Variants in FGR observed in about 807,000 individuals in gnomAD.
FGR encodes the protein tyrosine-protein kinase Fgr.
FGR carries 26 observed loss-of-function variants against 63.2 expected under a neutral mutation model. The observed-to-expected ratio is 0.41, with a 90% CI of 0.30 to 0.57. The LOEUF (loss-of-function observed/expected upper bound fraction) is 0.57. Among genes scored for constraint, FGR ranks in the 20% least tolerant of loss-of-function variants. FGR has a pLI of 0.27. For missense variants in FGR, 511 were observed against 690.8 expected, an observed-to-expected ratio of 0.74 and a Z score of 2.92; for synonymous variants, 286 against 277.7, an observed-to-expected ratio of 1.03 and a Z score of -0.30.
At position 27,615,898 on chromosome 1, in the gene FGR, A is replaced by G; in HGVS notation, c.683-54T>C. On this transcript the variant is annotated intron_variant, in intron 7 of 12. Coordinates refer to ENST00000374005, the MANE Select transcript of FGR (RefSeq NM_005248.3). This position sits in a 1 kb window ranked among gnomAD's most constrained non-coding sequence, Gnocchi z 7.6. ...CAGGTGGGCCAGGACACCCCCCTCCACTCCTTATCCTATCCCAGCCTGGTG... is the reference window on the plus strand; with the variant it reads ...CAGGTGGGCCAGGACACCCCCCTCCGCTCCTTATCCTATCCCAGCCTGGTG... 6.7e-7 allele frequency: 1 copy of G among 1,492,320 alleles called. No homozygotes were observed. Among genetic ancestry groups the G allele is most frequent in the Non-Finnish European group, 9.0e-7 (1 of 1,109,402 alleles). The allele number at this position is 1,492,320 out of a possible 1,614,324, so 92.4% of individuals were successfully genotyped here.
chr1:27,629,474 A>G (rs772535628), intron 1 of FGR, among the ~76,000 whole-genome samples: 2 of 151,978 alleles, frequency 1.3e-5, no homozygotes, highest in African/African-American at 4.8e-5. Flanking sequence ...AGAGATAGAA[A>G]CAGAGAGAGG....
chr1:27,634,226 C>G (rs748333655), intron 1 of FGR, among the ~76,000 whole-genome samples: 4 of 152,202 alleles, frequency 2.6e-5, no homozygotes, highest in South Asian at 2.1e-4. Flanking sequence ...TGCGGGCACT[C>G]GCGGTCAAAG....
intron 1 of FGR, among the ~76,000 whole-genome samples, chr1:27,634,765 A>G (rs1263045074): frequency 7.0e-6 from 1 of 143,822 alleles, no homozygotes; most frequent in Non-Finnish European, 1.5e-5. Flanking sequence ...CCCCCTTCCT[A>G]AACTCTTATC....
Position 27,617,345 on chromosome 1 carries a change from C to T in FGR, c.429-49G>A, listed in dbSNP as rs1415838751. 4 of 1,339,710 alleles carry T rather than the reference C, an allele frequency of 3.0e-6. No individual in the cohort carries two copies. The highest frequency in any genetic ancestry group is 2.3e-5 in the South Asian group (2 of 85,536). 83.0% of individuals were successfully genotyped at this position (1,339,710 alleles called of 1,614,324 possible). ...TCAGGTACGCTCTGCTCAAACCTCA[C>T]CTCAGCCTCCTGCACAGTCACCTCA... On this transcript the variant is annotated intron_variant, in intron 5 of 12. Transcript: ENST00000374005. The surrounding 1 kb of genome is among the most constrained non-coding windows in gnomAD (Gnocchi z 4.5).
intron 2 of FGR, among the ~76,000 whole-genome samples, chr1:27,624,678 T>C (rs926682941): frequency 8.5e-5 from 13 of 152,050 alleles, no homozygotes; most frequent in Non-Finnish European, 1.3e-4. Flanking sequence ...TGTAAGACCG[T>C]GTTTGTGTGC....
chr1:27,623,342 T>G, intron 3 of FGR, 198 bp from the exon 4 acceptor site: 1 of 601,296 alleles, frequency 1.7e-6, no homozygotes, highest in South Asian at 2.0e-5. Context: ...AGCCCATTCC[T>G]CCCACCATGG....
Position 27,612,797 on chromosome 1 carries a change from C to T in FGR, c.*117G>A. The T allele has an allele frequency of 1.0e-6, 1 of 961,674 alleles. No individual in the cohort carries two copies. The highest frequency in any genetic ancestry group is 1.5e-6 in the Non-Finnish European group (1 of 647,702). The allele number at this position is 961,674 out of a possible 1,614,324, so 59.6% of individuals were successfully genotyped here. A position where few individuals can be genotyped will look rare whatever the true frequency, so the allele number is the denominator to read the frequency against. ...TAGGTGGTGTCAGAGCAGCCACGTCCTCGGTGATGCTAGGACTCTATGGGG... is the reference window on the plus strand; with the variant it reads ...TAGGTGGTGTCAGAGCAGCCACGTCTTCGGTGATGCTAGGACTCTATGGGG... On this transcript the variant is annotated 3_prime_UTR_variant, in exon 13 of 13. Coordinates refer to ENST00000374005, the MANE Select transcript of FGR (RefSeq NM_005248.3).
In FGR at chr1:27,632,320, T is replaced by C. The variant is rs142625420; in HGVS notation, c.-77+2745A>G. 2.6e-5 allele frequency among the ~76,000 whole-genome samples: 4 copies of C among 152,126 alleles called. No individual in the cohort carries two copies. The East Asian group carries it at 7.7e-4, about 29-fold the overall frequency. ...CCCAGCTAAATTTTTGTATTTTTAG[T>C]AGAGATGGGGTTTAGTCATGTTGGC... On this transcript the variant is annotated intron_variant, in intron 1 of 12. Coordinates refer to ENST00000374005, the MANE Select transcript of FGR (RefSeq NM_005248.3).
In FGR at chr1:27,616,418, A is replaced by T. The variant is rs1571382973; in HGVS notation, c.682+439T>A. ...GACAACAGCCACTGCCTTCTAATGG[A>T]CCCCTCACTCTGCCTTGGCCCCTGG... On this transcript the variant is annotated intron_variant, in intron 7 of 12. Transcript: ENST00000374005. The surrounding 1 kb of genome is among the most constrained non-coding windows in gnomAD (Gnocchi z 4.3). Among the ~76,000 whole-genome samples the T allele has an allele frequency of 6.6e-6, 1 of 151,954 alleles. No individual in the cohort carries two copies. Among genetic ancestry groups the T allele is most frequent in the South Asian group, 2.1e-4 (1 of 4,820 alleles).
Position 27,615,820 on chromosome 1 carries a change from A to T in FGR, c.707T>A (p.Leu236Gln). The change falls in exon 8 of 13, where the codon CTG (leucine) becomes CAG (glutamine). Residue 236 changes from leucine to glutamine, a missense_variant. Transcript: ENST00000374005. The surrounding 1 kb of genome is among the most constrained non-coding windows in gnomAD (Gnocchi z 7.6). ...YMEVNDGLCN[L>Q]LIAPCTIMKP... ...CATGATGGTGCAGGGCGCGATGAGC[A>T]GGTTGCACAGCCCGTCATTCACCTC... The T allele has an allele frequency of 1.3e-6, 2 of 1,596,038 alleles. No homozygotes were observed. Among genetic ancestry groups the T allele is most frequent in the Non-Finnish European group, 1.7e-6 (2 of 1,171,112 alleles).
rs2089720140 is a variant in FGR, at chr1:27,612,853, C to T, written c.*61G>A. 15 of 1,509,448 alleles carry T rather than the reference C, an allele frequency of 9.9e-6. No homozygotes were observed. The highest frequency in any genetic ancestry group is 1.4e-5 in the Non-Finnish European group (15 of 1,103,770). 93.5% of individuals were successfully genotyped at this position (1,509,448 alleles called of 1,614,324 possible). ...AGCCAGCCTGGGGGCTTTGGAAGAA[C>T]AGCTCTGGGGATTGGCAAGGACTGG... is the stretch of plus-strand genomic sequence containing the variant. On this transcript the variant is annotated 3_prime_UTR_variant, in exon 13 of 13. Coordinates refer to ENST00000374005, the MANE Select transcript of FGR (RefSeq NM_005248.3).
rs981582097 is a variant in FGR at position 27,616,483 on chromosome 1, T to C, written c.682+374A>G. 6.6e-6 allele frequency among the ~76,000 whole-genome samples: 1 copy of C among 152,220 alleles called. No individual in the cohort carries two copies. The highest frequency in any genetic ancestry group is 1.5e-5 in the Non-Finnish European group (1 of 68,034). On this transcript the variant is annotated intron_variant, in intron 7 of 12. Transcript: ENST00000374005. The surrounding 1 kb of genome is among the most constrained non-coding windows in gnomAD (Gnocchi z 4.3). ...CAGCAGCCAGAGTTTCTCACAAAAG[T>C]GAGACCAGCCTCTGTCACCCCCTGC...
intron 9 of FGR, 63 bp from the exon 10 acceptor site, chr1:27,614,989 C>T: frequency 7.5e-7 from 1 of 1,334,144 alleles, no homozygotes; most frequent in South Asian, 1.3e-5. Context: ...CTCCTCCTCT[C>T]GCTTGACCCC....
Position 27,617,366 on chromosome 1 carries a change from C to T in FGR, c.429-70G>A. The T allele has an allele frequency of 9.1e-7, 1 of 1,094,750 alleles. No homozygotes were observed. The highest frequency in any genetic ancestry group is 1.4e-6 in the Non-Finnish European group (1 of 716,086). 67.8% of individuals were successfully genotyped at this position (1,094,750 alleles called of 1,614,324 possible). A position where few individuals can be genotyped will look rare whatever the true frequency, so the allele number is the denominator to read the frequency against. On this transcript the variant is annotated intron_variant, in intron 5 of 12. Transcript: ENST00000374005. This position sits in a 1 kb window ranked among gnomAD's most constrained non-coding sequence, Gnocchi z 4.5. ...CTCACCTCAGCCTCCTGCACAGTCA[C>T]CTCACAAGCCAAGACTCCATTTTCC...
intron 1 of FGR, among the ~76,000 whole-genome samples, chr1:27,626,833 A>G (rs1377082532): frequency 6.6e-6 from 1 of 151,976 alleles, no homozygotes; most frequent in African/African-American, 2.4e-5. Context: ...AGCGGGAGGG[A>G]TTTCAGGAAC....
intron 3 of FGR, 125 bp downstream of exon 3, chr1:27,623,558 ATGTGATCT>A: frequency 1.1e-6 from 1 of 894,770 alleles, no homozygotes; most frequent in Non-Finnish European, 1.8e-6. Context: ...CCCTCAGCCC[ATGTGATCT>A]TGAAAGCGGG....
At chr1:27,631,683 C>T (rs1005316298) in intron 1 of FGR, among the ~76,000 whole-genome samples, 1 of 152,204 alleles carries the variant, frequency 6.6e-6, no homozygotes, top group African/African-American at 2.4e-5. Context: ...CCCTCCTTTC[C>T]CTTGAGGAAG....
intron 10 of FGR, 64 bp downstream of exon 10, chr1:27,614,786 C>T (rs1266768229): frequency 2.7e-6 from 4 of 1,482,532 alleles, no homozygotes; most frequent in Non-Finnish European, 3.7e-6. Context: ...TTTGAAGGGA[C>T]AGAGAATTTG....
Position 27,615,041 on chromosome 1 carries a change from A to T in FGR, c.1019-115T>A. The T allele has an allele frequency of 1.3e-6, 1 of 764,182 alleles. No individual in the cohort carries two copies. Among genetic ancestry groups the T allele is most frequent in the Non-Finnish European group, 2.1e-6 (1 of 465,128 alleles). 47.3% of individuals were successfully genotyped at this position (764,182 alleles called of 1,614,324 possible). On this transcript the variant is annotated intron_variant, in intron 9 of 12. Transcript: ENST00000374005. This position sits in a 1 kb window ranked among gnomAD's most constrained non-coding sequence, Gnocchi z 7.6. Reference sequence around the variant, plus strand: ...CACCTGGACCCGCCCCTCACTTAGGACCCCGCGGGTGCCTCAACCCCTCAC... The same window carrying T: ...CACCTGGACCCGCCCCTCACTTAGGTCCCCGCGGGTGCCTCAACCCCTCAC...
Sources: gnomAD v4.1 joint callset for allele counts (sites outside exome capture counted in the v4.1 genomes callset) on GRCh38, gnomAD v4.1.1 for gene constraint, Gnocchi (gnomAD v3.1) non-coding constraint, MANE v1.5 for transcripts, NCBI Gene and HGNC (gene_info 2026-07-23, HGNC 2026-07-21) for gene names.